RYR2: variants seen among roughly 807,000 people sequenced by gnomAD.
The protein encoded by RYR2 is cardiac muscle ryanodine receptor-calcium release channel.
A neutral mutation model predicts 601.1 loss-of-function variants in RYR2; 227 were observed. That is an observed-to-expected ratio of 0.38 (90% CI 0.34 to 0.42). The LOEUF (loss-of-function observed/expected upper bound fraction) is 0.42. Ranked by LOEUF, RYR2 falls within the 10% of genes least tolerant of loss-of-function variation. The pLI, the probability that RYR2 is intolerant of heterozygous loss-of-function variation, is 1.00. For missense variants in RYR2, 4,646 were observed against 6,156.5 expected (o/e 0.75, Z 8.21); for synonymous variants, 2,223 against 2,175.1 (o/e 1.02, Z -0.61).
chr1:237,267,181 TG>T (rs1416508352), intron 1 of RYR2, among the ~76,000 whole-genome samples: 1 of 152,242 alleles, frequency 6.6e-6, no homozygotes, highest in African/African-American at 2.4e-5. Flanking sequence ...TGTTAAAGAT[TG>T]TCTTCAAACT....
chr1:237,278,245 A>ATTTTTTTTTTTT lies in RYR2; in HGVS notation c.168+7644_168+7655dup, dbSNP rs71561863. Reference sequence around the variant, plus strand: ...ACTACTATGCCCAGCTAATTTTTGTATTTTTTTTTTTTTTTTTTTTTTTTT... The same window carrying ATTTTTTTTTTTT: ...ACTACTATGCCCAGCTAATTTTTGTATTTTTTTTTTTTTTTTTTTTTTTTTTTTTTTTTTTTT... On this transcript the variant is annotated intron_variant, in intron 2 of 104. Transcript: ENST00000366574. Among the ~76,000 whole-genome samples, 7 of 67,018 alleles carry ATTTTTTTTTTTT rather than the reference A, an allele frequency of 1.0e-4. 1 individual carries two copies. Among genetic ancestry groups the ATTTTTTTTTTTT allele is most frequent in the Non-Finnish European group, 1.6e-4 (6 of 37,558 alleles). 44.0% of individuals were successfully genotyped at this position (67,018 alleles called of 152,430 possible).
chr1:237,590,841 T>A lies in RYR2; in HGVS notation c.4009T>A (p.Tyr1337Asn). The A allele has an allele frequency of 1.2e-6, 2 of 1,613,806 alleles. No homozygotes were observed. The highest frequency in any genetic ancestry group is 1.7e-6 in the Non-Finnish European group (2 of 1,179,846). ...TGGGCCCAAGAATGACTTGGAAGAT[T>A]ATGATGCTGATTCTGACTTTGAGGT... ...LFGPKNDLED[Y>N]DADSDFEVLM... The change falls in exon 31 of 105, where the codon TAT becomes AAT. Residue 1337 changes from tyrosine to asparagine, a missense_variant. Transcript: ENST00000366574.
intron 29 of RYR2, among the ~76,000 whole-genome samples, chr1:237,581,578 C>T (rs1673921610): frequency 6.6e-6 from 1 of 151,964 alleles, no homozygotes; most frequent in South Asian, 2.1e-4. Context: ...TAGTTTGTTC[C>T]TACAGTATGC....
rs76178515 is a variant in RYR2 at position 237,559,303 on chromosome 1, A to C, written c.3215-7264A>C. The stretch of plus-strand genomic sequence containing the variant: ...GCTCCTGCCCCATCACCCTCTCTCT[A>C]ATTCTATGGCATATTGAAAACCAAC... On this transcript the variant is annotated intron_variant, in intron 27 of 104. Transcript: ENST00000366574. 4.3e-3 allele frequency among the ~76,000 whole-genome samples: 654 copies of C among 152,150 alleles called. 16 individuals are homozygous for C. In the East Asian group the frequency reaches 0.08, roughly 19 times the overall value.
At chr1:237,623,730 T>A in intron 38 of RYR2, 35 bp from the exon 39 acceptor site, 2 of 1,387,246 alleles carry the variant, frequency 1.4e-6, no homozygotes, top group Non-Finnish European at 2.0e-6. Flanking sequence ...CTTTTCTTCC[T>A]CCTTCTTCCT....
At chr1:237,711,678 G>A (rs946782410) in intron 70 of RYR2, 67 bp from the exon 71 acceptor site, 5 of 765,710 alleles carry the variant, frequency 6.5e-6, no homozygotes, top group African/African-American at 1.7e-5. Flanking sequence ...TGCAGGTTCT[G>A]TGTAACCTCT....
rs913552531 is a variant in RYR2 at position 237,610,147 on chromosome 1, C to T, written c.4684-615C>T. ...AAGAAACTTTTGGCAAAGCAGAGAC[C>T]TCTCTTTCTTTGACACCAGACAGAA... On this transcript the variant is annotated intron_variant, in intron 35 of 104. Transcript: ENST00000366574. The surrounding 1 kb of genome is among the most constrained non-coding windows in gnomAD (Gnocchi z 4.9). Among the ~76,000 whole-genome samples the T allele has an allele frequency of 6.6e-6, 1 of 152,192 alleles. No homozygotes were observed. Among genetic ancestry groups the T allele is most frequent in the African/African-American group, 2.4e-5 (1 of 41,452 alleles).
intron 1 of RYR2, among the ~76,000 whole-genome samples, chr1:237,125,437 AAGC>A (rs1353183062): frequency 2.0e-5 from 3 of 152,190 alleles, no homozygotes; most frequent in Admixed American, 1.3e-4. Flanking sequence ...AAAAAAAAAA[AAGC>A]AGACTTATAG....
chr1:237,638,456 T>C lies in RYR2; in HGVS notation c.6892T>C (p.Tyr2298His). The C allele has an allele frequency of 6.2e-7, 1 of 1,613,972 alleles. No homozygotes were observed. The highest frequency in any genetic ancestry group is 8.5e-7 in the Non-Finnish European group (1 of 1,179,846). Residue 2298 changes from tyrosine to histidine, a missense_variant, in exon 45 of 105, where the codon TAT becomes CAT. Tyr to His is a moderately conservative substitution (Grantham distance 83, BLOSUM62 2). Around this residue, in one of 17 missense-constraint regions of RYR2, gnomAD observed 137 missense variants for 273.6 expected, o/e 0.50. Coordinates refer to ENST00000366574, the MANE Select transcript of RYR2 (RefSeq NM_001035.3). ...GTGGAACCCAGTTGAAGGAGAGAGA[T>C]ATCTTGACTTTCTTAGATTTGCTGT... ...IGWNPVEGER[Y>H]LDFLRFAVFC... is the part of the protein sequence containing the mutation.
At chr1:237,612,092 G>T (rs768261637) in intron 36 of RYR2, among the ~76,000 whole-genome samples, 1 of 152,122 alleles carries the variant, frequency 6.6e-6, no homozygotes. Context: ...CAATAAAAAT[G>T]ATTGAAGTAC....
intron 12 of RYR2, among the ~76,000 whole-genome samples, chr1:237,436,836 G>T (rs1707432045): frequency 6.7e-6 from 1 of 148,826 alleles, no homozygotes; most frequent in Non-Finnish European, 1.5e-5. Context: ...AATTCTATAG[G>T]ACTAGTTTTA....
At chr1:237,772,361 G>A (rs1486676186) in intron 86 of RYR2, among the ~76,000 whole-genome samples, 1 of 152,014 alleles carries the variant, frequency 6.6e-6, no homozygotes, top group South Asian at 2.1e-4. Flanking sequence ...GTATTTTAAA[G>A]TCATTTTCAT....
intron 2 of RYR2, among the ~76,000 whole-genome samples, chr1:237,322,811 A>AAC (rs1050470635): frequency 4.1e-5 from 6 of 144,766 alleles, no homozygotes; most frequent in Non-Finnish European, 8.9e-5. Flanking sequence ...ATACGTAATA[A>AAC]ACACACACAC....
Position 237,270,513 on chromosome 1 carries a change from T to C in RYR2, c.65T>C (p.Leu22Pro). 1 of 1,586,084 alleles carries C rather than the reference T, an allele frequency of 6.3e-7. No homozygotes were observed. The highest frequency in any genetic ancestry group is 8.6e-7 in the Non-Finnish European group (1 of 1,165,454). ...QFLRTDDEVV[L>P]QCTATIHKEQ... is the part of the protein sequence containing the mutation. ...CCTTTGCAGGATGATGAAGTGGTTCTGCAGTGCACCGCAACCATCCACAAA... is the reference window on the plus strand; with the variant it reads ...CCTTTGCAGGATGATGAAGTGGTTCCGCAGTGCACCGCAACCATCCACAAA... Residue 22 changes from leucine to proline, a missense_variant, in exon 2 of 105, where the codon CTG becomes CCG. Around this residue, in one of 17 missense-constraint regions of RYR2, gnomAD observed 153 missense variants for 203.6 expected, o/e 0.75. Transcript: ENST00000366574.
chr1:237,179,158 G>A (rs1222755949), intron 1 of RYR2, among the ~76,000 whole-genome samples: 2 of 152,152 alleles, frequency 1.3e-5, no homozygotes, highest in African/African-American at 2.4e-5. Flanking sequence ...TATCTCTGCT[G>A]TATGGCTGGT....
At chr1:237,623,375 C>CTTTT (rs1249439341) in intron 38 of RYR2, among the ~76,000 whole-genome samples, 1 of 39,004 alleles carries the variant, frequency 2.6e-5, no homozygotes, top group Non-Finnish European at 6.9e-5. Flanking sequence ...TTCTTTCTTT[C>CTTTT]TTTCTTTCTT....
chr1:237,432,587 CT>C (rs1360088962), intron 12 of RYR2, among the ~76,000 whole-genome samples: 2 of 152,098 alleles, frequency 1.3e-5, no homozygotes, highest in Non-Finnish European at 2.9e-5. Flanking sequence ...CTAACTTGAG[CT>C]TTCTGTAATC....
At chr1:237,402,867 G>T (rs1435794528) in intron 10 of RYR2, among the ~76,000 whole-genome samples, 1 of 11,328 alleles carries the variant, frequency 8.8e-5, no homozygotes, top group Admixed American at 1.3e-3. Flanking sequence ...CTGCAGCCTC[G>T]ATGTCCTGGC....
At chr1:237,189,879 ATTTT>A (rs61306892) in intron 1 of RYR2, among the ~76,000 whole-genome samples, 14 of 107,734 alleles carry the variant, frequency 1.3e-4, no homozygotes, top group East Asian at 8.4e-4. Context: ...TTTTATTTTT[ATTTT>A]TTTTTTTGAG....
Sources: gnomAD v4.1 joint callset for allele counts (sites outside exome capture counted in the v4.1 genomes callset) on GRCh38, gnomAD v4.1.1 for gene constraint, gnomAD v4.1.1 regional missense constraint, Gnocchi (gnomAD v3.1) non-coding constraint, MANE v1.5 for transcripts, NCBI Gene and HGNC (gene_info 2026-07-23, HGNC 2026-07-21) for gene names.